The following ZNF136 variants were observed in gnomAD, a reference collection of about 807,000 sequenced individuals.
The protein encoded by ZNF136 is zinc finger protein 136 (clone pHZ-20).
A neutral mutation model predicts 11.4 loss-of-function variants in ZNF136; 8 were observed. That is an observed-to-expected ratio of 0.70 (90% CI 0.41 to 1.27). The LOEUF (loss-of-function observed/expected upper bound fraction) is 1.27, where lower values mean the gene tolerates loss of function less well. Among genes scored for constraint, ZNF136 ranks in the 50% most tolerant of loss-of-function variants. The pLI is 0.01. For missense variants in ZNF136, 590 were observed against 656.5 expected (o/e 0.90, Z 1.11); for synonymous variants, 190 against 207.1 (o/e 0.92, Z 0.71).
intron 1 of ZNF136, among the ~76,000 whole-genome samples, chr19:12,168,049 T>C (rs1330592724): frequency 7.0e-6 from 1 of 142,028 alleles, no homozygotes; most frequent in African/African-American, 2.6e-5. Context: ...TTTTTTTCTT[T>C]TCTTTTTCTT....
chr19:12,172,743 G>A (rs1006064423), intron 1 of ZNF136, among the ~76,000 whole-genome samples: 1 of 152,206 alleles, frequency 6.6e-6, no homozygotes, highest in Non-Finnish European at 1.5e-5. Flanking sequence ...GCCGGCTGTG[G>A]TGGCTCACGC....
chr19:12,179,023 A>G (rs1440677085), intron 1 of ZNF136, among the ~76,000 whole-genome samples: 2 of 152,058 alleles, frequency 1.3e-5, no homozygotes, highest in Non-Finnish European at 2.9e-5. Flanking sequence ...AAAAAAAAAA[A>G]AGAAAAATTG....
intron 1 of ZNF136, among the ~76,000 whole-genome samples, chr19:12,182,590 A>T (rs1914972652): frequency 6.6e-6 from 1 of 152,240 alleles, no homozygotes; most frequent in Non-Finnish European, 1.5e-5. Context: ...GTTAGTGGTC[A>T]GCTAATTGGA....
chr19:12,187,320 G>C lies in ZNF136; in HGVS notation c.942G>C (p.Gly314=), dbSNP rs994745099. The change falls in exon 4 of 4, where the codon GGG becomes GGC. Residue 314 remains glycine (G), a synonymous_variant. Coordinates refer to ENST00000343979, the MANE Select transcript of ZNF136 (RefSeq NM_003437.5). The part of the protein sequence containing the change: ...GEKPYECKQC[G]KAFSYLPSLR... Reference sequence around the variant, plus strand: ...AACCTTATGAATGCAAGCAGTGTGGGAAGGCCTTCAGTTATCTCCCCTCCC... The same window carrying C: ...AACCTTATGAATGCAAGCAGTGTGGCAAGGCCTTCAGTTATCTCCCCTCCC... 1 of 1,613,984 alleles carries C rather than the reference G, an allele frequency of 6.2e-7. No homozygotes were observed. The highest frequency in any genetic ancestry group is 1.3e-5 in the African/African-American group (1 of 74,972).
intron 1 of ZNF136, chr19:12,164,653 A>T (rs1312390006): frequency 6.6e-6 from 1 of 152,324 alleles, no homozygotes; most frequent in Non-Finnish European, 1.5e-5. Context: ...CTTGTTAGCC[A>T]GGATGGTCTT....
chr19:12,163,304 T>C, intron 1 of ZNF136, 98 bp downstream of exon 1: 1 of 1,304,274 alleles, frequency 7.7e-7, no homozygotes, highest in Non-Finnish European at 9.9e-7. Context: ...CGTGGGCGAC[T>C]CTGGGTCTGC....
rs760377377 is a variant in ZNF136 at position 12,186,683 on chromosome 19, G to C, written c.305G>C (p.Cys102Ser). ...AAGAAAATCCCTGGAGTGAAACTCTGTGAAAGCATTGTATATGGAGAAGTC... is the reference window on the plus strand; with the variant it reads ...AAGAAAATCCCTGGAGTGAAACTCTCTGAAAGCATTGTATATGGAGAAGTC... Reference protein sequence around the residue: ...LSKKIPGVKLCESIVYGEVSM... With the variant: ...LSKKIPGVKLSESIVYGEVSM... The change falls in exon 4 of 4, where the codon TGT (cysteine) becomes TCT (serine). Residue 102 changes from cysteine (C) to serine (S), a missense_variant. Cys to Ser is a moderately radical substitution (Grantham distance 112, BLOSUM62 -1). Coordinates refer to ENST00000343979, the MANE Select transcript of ZNF136 (RefSeq NM_003437.5). The C allele has an allele frequency of 1.2e-6, 2 of 1,614,150 alleles. No homozygotes were observed. The highest frequency in any genetic ancestry group is 2.2e-5 in the South Asian group (2 of 91,084).
At chr19:12,182,919 TAAG>T (rs1047826177) in intron 1 of ZNF136, among the ~76,000 whole-genome samples, 4 of 152,296 alleles carry the variant, frequency 2.6e-5, no homozygotes, top group East Asian at 1.9e-4. Context: ...TTTGTCACCT[TAAG>T]AAGATTTGTT....
chr19:12,186,801 A>G lies in ZNF136; in HGVS notation c.423A>G (p.Thr141=). Residue 141 remains threonine, a synonymous_variant, in exon 4 of 4, where the codon ACA becomes ACG. Coordinates refer to ENST00000343979, the MANE Select transcript of ZNF136 (RefSeq NM_003437.5). ...EYQEYGEKPD[T]RNQCWKPFSS... ...AGGAATATGGAGAGAAGCCAGATAC[A>G]CGTAACCAGTGTTGGAAACCCTTCA... 21 of 1,614,180 alleles carry G rather than the reference A, an allele frequency of 1.3e-5. No individual in the cohort carries two copies. Among genetic ancestry groups the G allele is most frequent in the Non-Finnish European group, 1.8e-5 (21 of 1,180,014 alleles).
chr19:12,179,821 G>T (rs751829018), intron 1 of ZNF136, among the ~76,000 whole-genome samples: 16 of 152,074 alleles, frequency 1.1e-4, no homozygotes, highest in Non-Finnish European at 1.9e-4. Flanking sequence ...ATTAGACATG[G>T]CTTCCCATAA....
intron 1 of ZNF136, among the ~76,000 whole-genome samples, chr19:12,177,998 A>G (rs965736718): frequency 2.0e-5 from 3 of 151,952 alleles, no homozygotes; most frequent in Non-Finnish European, 4.4e-5. Flanking sequence ...GGTCCCAGCT[A>G]CTCCCAGCTG....
At position 12,163,581 on chromosome 19, in the gene ZNF136, A is replaced by G. The variant is rs529082023; in HGVS notation, c.3+375A>G. ...CACAGAGGACACCCGTTTTTCCCTG[A>G]GTTTTCTAAGTGTATGGGATGCAGG... On this transcript the variant is annotated intron_variant, in intron 1 of 3. Coordinates refer to ENST00000343979, the MANE Select transcript of ZNF136 (RefSeq NM_003437.5). Among the ~76,000 whole-genome samples the G allele has an allele frequency of 9.2e-5, 14 of 152,192 alleles. No homozygotes were observed. The South Asian group carries it at 2.3e-3, about 25-fold the overall frequency.
At chr19:12,166,570 T>C (rs936089276) in intron 1 of ZNF136, among the ~76,000 whole-genome samples, 1 of 152,232 alleles carries the variant, frequency 6.6e-6, no homozygotes, top group Admixed American at 6.6e-5. Context: ...TTTCCTGTTA[T>C]TGGAACTTAG....
intron 1 of ZNF136, among the ~76,000 whole-genome samples, chr19:12,165,851 A>G (rs1977178090): frequency 6.6e-6 from 1 of 152,210 alleles, no homozygotes; most frequent in South Asian, 2.1e-4. Flanking sequence ...CTTCATACTC[A>G]TATTCTGCAC....
chr19:12,182,436 T>C (rs1465783297), intron 1 of ZNF136, among the ~76,000 whole-genome samples: 1 of 152,210 alleles, frequency 6.6e-6, no homozygotes, highest in Non-Finnish European at 1.5e-5. Context: ...CTAGTGAGTA[T>C]CAGCTCATGT....
chr19:12,186,314 T>C (rs1915081897), intron 3 of ZNF136, 140 bp downstream of exon 3: 19 of 963,094 alleles, frequency 2.0e-5, no homozygotes, highest in Non-Finnish European at 2.7e-5. Context: ...TACATATTCT[T>C]CAGTGTAAAC....
In ZNF136 at chr19:12,188,137, C is replaced by A; in HGVS notation, c.*136C>A. The A allele has an allele frequency of 1.6e-6, 1 of 616,490 alleles. No individual in the cohort carries two copies. Among genetic ancestry groups the A allele is most frequent in the South Asian group, 4.7e-5 (1 of 21,230 alleles). The allele number at this position is 616,490 out of a possible 1,614,324, so 38.2% of individuals were successfully genotyped here. A position where few individuals can be genotyped will look rare whatever the true frequency, so the allele number is the denominator to read the frequency against. On this transcript the variant is annotated 3_prime_UTR_variant, in exon 4 of 4. Coordinates refer to ENST00000343979, the MANE Select transcript of ZNF136 (RefSeq NM_003437.5). Reference sequence around the variant, plus strand: ...AAGAATTCTAGAGAGAAGCCATATACATGTAAGTAACATGGGAAAGCTTTC... The same window carrying A: ...AAGAATTCTAGAGAGAAGCCATATAAATGTAAGTAACATGGGAAAGCTTTC...
At chr19:12,173,723 A>C (rs926439336) in intron 1 of ZNF136, among the ~76,000 whole-genome samples, 2 of 152,112 alleles carry the variant, frequency 1.3e-5, no homozygotes, top group African/African-American at 4.8e-5. Flanking sequence ...CCTCAATTTG[A>C]AGCCTGTTGG....
intron 1 of ZNF136, chr19:12,164,877 A>C (rs954587537): frequency 6.6e-6 from 1 of 152,254 alleles, no homozygotes; most frequent in East Asian, 1.9e-4. Flanking sequence ...TGCCACAAGT[A>C]GGTATAATCA....
Sources: allele counts gnomAD v4.1 joint callset (sites outside exome capture counted in the v4.1 genomes callset), GRCh38; gene constraint gnomAD v4.1.1; transcripts MANE v1.5; gene names NCBI Gene and HGNC (gene_info 2026-07-23, HGNC 2026-07-21).